Variants in ZNF536 observed in about 807,000 individuals in gnomAD.
ZNF536 encodes zinc finger protein 536.
In ZNF536, 13 loss-of-function variants were observed where a neutral mutation model predicts 84.5. The ratio of observed to expected loss-of-function variants is 0.15; its 90% CI spans 0.10 to 0.24. ZNF536 has a LOEUF of 0.24. Among genes scored for constraint, ZNF536 ranks in the 10% least tolerant of loss-of-function variants. ZNF536 has a pLI of 1.00. For missense variants in ZNF536, 1,536 were observed against 1,747.5 expected (o/e 0.88, Z 2.16); for synonymous variants, 811 against 742.5 (o/e 1.09, Z -1.50).
intron 1 of ZNF536, among the ~76,000 whole-genome samples, chr19:30,583,813 A>G (rs1187858464): frequency 6.6e-6 from 1 of 152,184 alleles, no homozygotes; most frequent in Non-Finnish European, 1.5e-5. Context: ...TGGATGAACA[A>G]ATGAATGAAG....
In ZNF536 at chr19:30,547,970, G is replaced by C. The variant is rs2146174523; in HGVS notation, c.2351G>C (p.Cys784Ser). 1 of 1,580,828 alleles carries C rather than the reference G, an allele frequency of 6.3e-7. No individual in the cohort carries two copies. Among genetic ancestry groups the C allele is most frequent in the Non-Finnish European group, 8.6e-7 (1 of 1,163,986 alleles). ...TGEKPYKCPHCDYAGTQSASL... is the reference protein window; with the variant it reads ...TGEKPYKCPHSDYAGTQSASL... ...GAGAAACCCTACAAGTGTCCGCACT[G>C]TGACTATGCCGGCACGCAGTCAGCA... The change falls in exon 4 of 5, where the codon TGT (cysteine) becomes TCT (serine). Residue 784 changes from cysteine (C) to serine (S), a missense_variant. This residue lies in a region of ZNF536 where 148 missense variants were observed against 205.4 expected (regional missense o/e 0.72). Coordinates refer to ENST00000355537, the MANE Select transcript of ZNF536 (RefSeq NM_014717.3).
intron 2 of ZNF536, among the ~76,000 whole-genome samples, chr19:30,447,996 T>C (rs1013285726): frequency 6.6e-6 from 1 of 152,224 alleles, no homozygotes; most frequent in South Asian, 2.1e-4. Context: ...GTTGCTTGCC[T>C]ATCTCTCAGT....
At chr19:30,657,580 TC>T (rs2049961990) in intron 1 of ZNF536, among the ~76,000 whole-genome samples, 1 of 152,218 alleles carries the variant, frequency 6.6e-6, no homozygotes, top group South Asian at 2.1e-4. Flanking sequence ...CTTCTCTTTC[TC>T]TTCCCCCTGC....
chr19:30,673,037 CA>C (rs1347922409), intron 1 of ZNF536, among the ~76,000 whole-genome samples: 1 of 152,140 alleles, frequency 6.6e-6, no homozygotes, highest in Non-Finnish European at 1.5e-5. Context: ...CAGAAAGCCC[CA>C]TATGCTTTGG....
chr19:30,503,545 A>G (rs1166479131), intron 2 of ZNF536, among the ~76,000 whole-genome samples: 4 of 152,256 alleles, frequency 2.6e-5, no homozygotes, highest in Non-Finnish European at 5.9e-5. Flanking sequence ...AAATTATGTG[A>G]GAGTATCTTA....
chr19:30,466,663 T>A (rs1238276042), intron 2 of ZNF536, among the ~76,000 whole-genome samples: 1 of 114,044 alleles, frequency 8.8e-6, no homozygotes, highest in South Asian at 3.3e-4. Context: ...TGAGATGGAG[T>A]TTTGCTCTGT....
chr19:30,601,472 G>A (rs1026052178), intron 1 of ZNF536, among the ~76,000 whole-genome samples: 3 of 152,174 alleles, frequency 2.0e-5, no homozygotes, highest in African/African-American at 7.2e-5. Flanking sequence ...AGGTCTCTGG[G>A]CTACGCTAGG....
chr19:30,346,913 G>T (rs942404178), intron 2 of ZNF536, among the ~76,000 whole-genome samples: 3 of 151,830 alleles, frequency 2.0e-5, no homozygotes, highest in South Asian at 2.1e-4. Flanking sequence ...GGTCTTTGAG[G>T]AATCAACACA....
rs79377899 is a variant in ZNF536, at chr19:30,348,235, C to T, written c.-119-4133C>T. On this transcript the variant is annotated intron_variant, in intron 2 of 5. Coordinates refer to the ZNF536 transcript ENST00000585628. ...CTTCCTTCATTCAACAAATAAAACA[C>T]GAAGAAATGAATTAAAGCTTCTGGA... Among the ~76,000 whole-genome samples the T allele has an allele frequency of 4.2e-3, 633 of 152,210 alleles. 3 individuals are homozygous for T. Among genetic ancestry groups the T allele is most frequent in the African/African-American group, 0.015 (604 of 41,508 alleles).
At chr19:30,275,988 C>T (rs1048729572) in intron 1 of ZNF536, among the ~76,000 whole-genome samples, 1 of 152,110 alleles carries the variant, frequency 6.6e-6, no homozygotes, top group African/African-American at 2.4e-5. Context: ...TTCCCTCTCT[C>T]CTTTCTTCCT....
chr19:30,675,410 AC>A (rs1276226232), intron 1 of ZNF536, among the ~76,000 whole-genome samples: 1 of 152,188 alleles, frequency 6.6e-6, no homozygotes, highest in Non-Finnish European at 1.5e-5. Context: ...GCTGTTCCTA[AC>A]AGGTGAAAGA....
intron 1 of ZNF536, among the ~76,000 whole-genome samples, chr19:30,257,835 A>G (rs1413197876): frequency 1.3e-5 from 2 of 152,224 alleles, no homozygotes; most frequent in South Asian, 2.1e-4. Context: ...AAGAGTCTGC[A>G]TGGGGACTTG....
intron 1 of ZNF536, among the ~76,000 whole-genome samples, chr19:30,681,235 G>A (rs2050958630): frequency 1.3e-5 from 2 of 152,134 alleles, no homozygotes; most frequent in Non-Finnish European, 2.9e-5. Context: ...TGCTTAGTTT[G>A]CCCTGCAGCA....
At chr19:30,529,555 A>T (rs1379394772) in intron 2 of ZNF536, among the ~76,000 whole-genome samples, 1 of 152,174 alleles carries the variant, frequency 6.6e-6, no homozygotes, top group African/African-American at 2.4e-5. Context: ...ATGCACCTTC[A>T]TGTCACCTTG....
chr19:30,698,262 A>G (rs1470751036), intron 1 of ZNF536, among the ~76,000 whole-genome samples: 1 of 152,000 alleles, frequency 6.6e-6, no homozygotes, highest in Non-Finnish European at 1.5e-5. Context: ...ACTGTACTCC[A>G]GCCTGGGTGA....
At chr19:30,258,827 C>T (rs564351323) in intron 1 of ZNF536, among the ~76,000 whole-genome samples, 1 of 152,046 alleles carries the variant, frequency 6.6e-6, no homozygotes, top group African/African-American at 2.4e-5. Context: ...AAGCGATTCT[C>T]CTGCCTCAGC....
At chr19:30,357,510 G>A (rs1321340497) in intron 3 of ZNF536, among the ~76,000 whole-genome samples, 1 of 152,110 alleles carries the variant, frequency 6.6e-6, no homozygotes, top group Non-Finnish European at 1.5e-5. Context: ...CTTTTCGGGT[G>A]CGGAGATGCT....
chr19:30,317,704 G>A (rs1051441966), intron 2 of ZNF536, among the ~76,000 whole-genome samples: 2 of 152,222 alleles, frequency 1.3e-5, no homozygotes, highest in African/African-American at 2.4e-5. Context: ...TCTGACCATT[G>A]TCTTTGGAGG....
chr19:30,671,146 G>A (rs952426839), intron 1 of ZNF536, among the ~76,000 whole-genome samples: 4 of 152,232 alleles, frequency 2.6e-5, no homozygotes, highest in South Asian at 2.1e-4. Context: ...CCAGAGGATC[G>A]CCATGGTGCA....
Sources: allele counts gnomAD v4.1 joint callset (sites outside exome capture counted in the v4.1 genomes callset), GRCh38; gene constraint gnomAD v4.1.1; regional missense constraint gnomAD v4.1.1; transcripts MANE v1.5; gene names NCBI Gene and HGNC (gene_info 2026-07-23, HGNC 2026-07-21).